FGFR2: variants seen among roughly 807,000 people sequenced by gnomAD.
FGFR2 encodes the protein fibroblast growth factor receptor 2.
Under a neutral mutation model 95.9 loss-of-function variants are expected in FGFR2, and 19 were observed. The ratio of observed to expected loss-of-function variants is 0.20; its 90% CI spans 0.14 to 0.29. The LOEUF is 0.29. FGFR2 is among the 10% of genes least tolerant of loss of function. The pLI is 1.00. For missense variants in FGFR2, 707 were observed against 1,056.9 expected, an observed-to-expected ratio of 0.67 and a Z score of 4.59; for synonymous variants, 392 against 393.3, an observed-to-expected ratio of 1.00 and a Z score of 0.04.
Position 121,503,773 on chromosome 10 carries a change from C to A in FGFR2, c.1439+17G>T, listed in dbSNP as rs767833333. On this transcript the variant is annotated intron_variant, in intron 10 of 17. Coordinates refer to ENST00000358487, the MANE Select transcript of FGFR2 (RefSeq NM_000141.5). ...GCTGAGTCTCCATCCTGGGACATGGCCAAGAGAAGTACTCACTTATCTCTT... is the reference window on the plus strand; with the variant it reads ...GCTGAGTCTCCATCCTGGGACATGGACAAGAGAAGTACTCACTTATCTCTT... The A allele has an allele frequency of 1.2e-6, 2 of 1,613,924 alleles. No homozygotes were observed. The highest frequency in any genetic ancestry group is 1.1e-5 in the South Asian group (1 of 91,058).
In FGFR2 at chr10:121,524,146, A is replaced by ACCCCCC. The variant is rs1554933622; in HGVS notation, c.749-3978_749-3977insGGGGGG. ...CACACACACACACACACACACACACACCCCAAGTTTGCAATGGTTTAATGT... is the reference window on the plus strand; with the variant it reads ...CACACACACACACACACACACACACACCCCCCCCCCAAGTTTGCAATGGTTTAATGT... On this transcript the variant is annotated intron_variant, in intron 6 of 17. Transcript: ENST00000358487. 2.0e-3 allele frequency among the ~76,000 whole-genome samples: 268 copies of ACCCCCC among 136,888 alleles called. 3 individuals carry two copies. The highest frequency in any genetic ancestry group is 2.9e-3 in the Non-Finnish European group (187 of 64,582). 89.8% of individuals were successfully genotyped at this position (136,888 alleles called of 152,430 possible).
At chr10:121,582,642 G>A (rs1330706827) in intron 2 of FGFR2, among the ~76,000 whole-genome samples, 1 of 152,092 alleles carries the variant, frequency 6.6e-6, no homozygotes, top group African/African-American at 2.4e-5. Context: ...AATTAGCCGG[G>A]CGTGGTGGTG....
At chr10:121,584,104 G>A (rs574652331) in intron 2 of FGFR2, among the ~76,000 whole-genome samples, 5 of 152,024 alleles carry the variant, frequency 3.3e-5, no homozygotes, top group African/African-American at 1.2e-4. Flanking sequence ...CTACTTCATA[G>A]CCTGTCCTAC....
intron 5 of FGFR2, among the ~76,000 whole-genome samples, chr10:121,549,709 G>C (rs1055716480): frequency 6.6e-6 from 1 of 152,142 alleles, no homozygotes; most frequent in Admixed American, 6.5e-5. Flanking sequence ...TGGAACAGTG[G>C]GCAGCCCCCA....
chr10:121,525,454 G>A (rs539354294), intron 6 of FGFR2, among the ~76,000 whole-genome samples: 1 of 152,080 alleles, frequency 6.6e-6, no homozygotes, highest in East Asian at 1.9e-4. Context: ...TCTCGGTCTC[G>A]CCCCCTTTCT....
intron 13 of FGFR2, among the ~76,000 whole-genome samples, chr10:121,495,789 G>C (rs961108481): frequency 6.6e-6 from 1 of 152,206 alleles, no homozygotes; most frequent in Non-Finnish European, 1.5e-5. Flanking sequence ...GCAGGTAGGA[G>C]CAAGGCCCAC....
intron 13 of FGFR2, 88 bp downstream of exon 13, chr10:121,496,444 A>C: frequency 1.6e-6 from 2 of 1,242,006 alleles, no homozygotes; most frequent in South Asian, 2.4e-5. Context: ...GGCTTGATCT[A>C]GCAAATGAGC....
chr10:121,488,468 G>A (rs944609816), intron 13 of FGFR2, among the ~76,000 whole-genome samples: 2 of 150,614 alleles, frequency 1.3e-5, no homozygotes, highest in African/African-American at 2.5e-5. Flanking sequence ...TTGAACCTGG[G>A]AGACAGAGGT....
chr10:121,518,135 G>C lies in FGFR2; in HGVS notation c.940-672C>G. ...GACAAACCTAAAAAGTCAACCTTTT[G>C]CCTTTAGTAGCGTCCAGTAGTACAT... On this transcript the variant is annotated intron_variant, in intron 7 of 17. Coordinates refer to ENST00000358487, the MANE Select transcript of FGFR2 (RefSeq NM_000141.5). This position sits in a 1 kb window ranked among gnomAD's most constrained non-coding sequence, Gnocchi z 4.0. 2.5e-6 allele frequency: 1 copy of C among 395,242 alleles called. No individual in the cohort carries two copies. Among genetic ancestry groups the C allele is most frequent in the East Asian group, 6.5e-5 (1 of 15,378 alleles). The allele number at this position is 395,242 out of a possible 1,614,324, so 24.5% of individuals were successfully genotyped here. A position where few individuals can be genotyped will look rare whatever the true frequency, so the allele number is the denominator to read the frequency against.
intron 6 of FGFR2, among the ~76,000 whole-genome samples, chr10:121,533,550 A>C (rs1030926123): frequency 2.0e-5 from 3 of 152,222 alleles, no homozygotes; most frequent in Non-Finnish European, 2.9e-5. Flanking sequence ...TGCCCAAAAG[A>C]AGCAATAATT....
intron 6 of FGFR2, among the ~76,000 whole-genome samples, chr10:121,525,160 TACATATATAC>T (rs1321421095): frequency 6.6e-6 from 1 of 152,188 alleles, no homozygotes; most frequent in Non-Finnish European, 1.5e-5. Flanking sequence ...TAATTTTAAT[TACATATATAC>T]ACATATAAGA....
At chr10:121,505,818 C>CA (rs2134093331) in intron 9 of FGFR2, among the ~76,000 whole-genome samples, 1 of 152,300 alleles carries the variant, frequency 6.6e-6, no homozygotes, top group African/African-American at 2.4e-5. Context: ...TCTCAAGCTC[C>CA]ACCTACAGAG....
In FGFR2 at chr10:121,571,164, A is replaced by ATT. The variant is rs45631564; in HGVS notation, c.110-5462_110-5461dup. ...CCACCACACCTGGCTAATTTTTGGT[A>ATT]TTTTTTTTAGTAGAGACGGGGTGGG... On this transcript the variant is annotated intron_variant, in intron 2 of 17. Coordinates refer to ENST00000358487, the MANE Select transcript of FGFR2 (RefSeq NM_000141.5). Among the ~76,000 whole-genome samples, 227 of 147,722 alleles carry ATT rather than the reference A, an allele frequency of 1.5e-3. 1 individual carries two copies. Among genetic ancestry groups the ATT allele is most frequent in the African/African-American group, 4.2e-3 (169 of 40,172 alleles).
intron 13 of FGFR2, among the ~76,000 whole-genome samples, chr10:121,493,733 A>G (rs1247707201): frequency 6.6e-6 from 1 of 152,098 alleles, no homozygotes; most frequent in South Asian, 2.1e-4. Flanking sequence ...CCCAGCTGTT[A>G]GCCCACCCTC....
rs181267720 is a variant in FGFR2, at chr10:121,535,508, A to G, written c.748+3084T>C. On this transcript the variant is annotated intron_variant, in intron 6 of 17. Coordinates refer to ENST00000358487, the MANE Select transcript of FGFR2 (RefSeq NM_000141.5). ...AGTTCCTTCATTTTTGGACACAAGGAAAGTGCAATGAGTCATCCCAGCATT... is the reference window on the plus strand; with the variant it reads ...AGTTCCTTCATTTTTGGACACAAGGGAAGTGCAATGAGTCATCCCAGCATT... Among the ~76,000 whole-genome samples the G allele has an allele frequency of 1.3e-3, 203 of 152,258 alleles. 1 individual carries two copies. Among genetic ancestry groups the G allele is most frequent in the African/African-American group, 4.5e-3 (186 of 41,578 alleles).
chr10:121,571,010 A>G (rs1048638575), intron 2 of FGFR2, among the ~76,000 whole-genome samples: 4 of 150,358 alleles, frequency 2.7e-5, no homozygotes, highest in Non-Finnish European at 5.9e-5. Context: ...TTTTTTTGAG[A>G]CGGAGTCTGG....
At chr10:121,512,888 A>G (rs974854939) in intron 9 of FGFR2, among the ~76,000 whole-genome samples, 16 of 152,080 alleles carry the variant, frequency 1.1e-4, no homozygotes, top group African/African-American at 3.1e-4. Flanking sequence ...TTTTTTTTAA[A>G]GACGGAGTTT....
intron 5 of FGFR2, among the ~76,000 whole-genome samples, chr10:121,550,506 T>C (rs1855226761): frequency 6.6e-6 from 1 of 152,188 alleles, no homozygotes; most frequent in Non-Finnish European, 1.5e-5. Context: ...CATGGCATTG[T>C]GTGACGTGCT....
chr10:121,479,530 C>T lies in FGFR2; in HGVS notation c.*327G>A. 1 of 1,462,326 alleles carries T rather than the reference C, an allele frequency of 6.8e-7. No homozygotes were observed. The highest frequency in any genetic ancestry group is 9.3e-7 in the Non-Finnish European group (1 of 1,075,534). 90.6% of individuals were successfully genotyped at this position (1,462,326 alleles called of 1,614,324 possible). ...AGTGTGTGCTGACATAAATCTTCTCCAATTATTACAAAATTAACAAGGAAG... is the reference window on the plus strand; with the variant it reads ...AGTGTGTGCTGACATAAATCTTCTCTAATTATTACAAAATTAACAAGGAAG... On this transcript the variant is annotated 3_prime_UTR_variant, in exon 18 of 18. Coordinates refer to ENST00000358487, the MANE Select transcript of FGFR2 (RefSeq NM_000141.5).
Sources: gnomAD v4.1 joint callset for allele counts (sites outside exome capture counted in the v4.1 genomes callset) on GRCh38, gnomAD v4.1.1 for gene constraint, Gnocchi (gnomAD v3.1) non-coding constraint, MANE v1.5 for transcripts, NCBI Gene and HGNC (gene_info 2026-07-23, HGNC 2026-07-21) for gene names.